The following ZBED6 variants were observed in gnomAD, a reference collection of about 807,000 sequenced individuals.
ZBED6 encodes zinc finger BED domain-containing protein 6.
ZBED6 carries 40 observed loss-of-function variants against 58.4 expected under a neutral mutation model. The observed-to-expected ratio is 0.68, with a 90% confidence interval of 0.53 to 0.89. The LOEUF is 0.89. Ranked by LOEUF, ZBED6 falls within the 40% of genes least tolerant of loss-of-function variation. The pLI, the probability that ZBED6 is intolerant of heterozygous loss-of-function variation, is 0.00. For synonymous variants in ZBED6, 439 were observed against 350.6 expected, an observed-to-expected ratio of 1.25 and a Z score of -2.82; for missense variants, 1,057 against 1,003.9, an observed-to-expected ratio of 1.05 and a Z score of -0.71.
intron 1 of ZBED6, among the ~76,000 whole-genome samples, chr1:203,809,172 G>GTTTTTTTTTT (rs33926996): frequency 2.4e-5 from 2 of 83,268 alleles, no homozygotes; most frequent in East Asian, 4.0e-4. Flanking sequence ...TCTTCTCACT[G>GTTTTTTTTTT]TTTTTTTTTT....
At chr1:203,829,734 T>C (rs755139251) in intron 5 of ZBED6, 46 bp from the exon 6 acceptor site, 2 of 1,611,394 alleles carry the variant, frequency 1.2e-6, no homozygotes, top group Non-Finnish European at 1.7e-6. Context: ...ATTAAAGCTA[T>C]AGGCGTATTT....
rs186933483 is a variant in ZBED6, at chr1:203,812,009, G to T, written c.*2555-4917G>T. Reference sequence around the variant, plus strand: ...TTTTATATTTTTTGATAGAGACGAGGTTTCACCATGTTGGCCAGGCTGGTC... The same window carrying T: ...TTTTATATTTTTTGATAGAGACGAGTTTTCACCATGTTGGCCAGGCTGGTC... On this transcript the variant is annotated intron_variant, in intron 1 of 16. Transcript: ENST00000550078. Among the ~76,000 whole-genome samples the T allele has an allele frequency of 1.8e-3, 261 of 148,536 alleles. 2 individuals are homozygous for T. The highest frequency in any genetic ancestry group is 6.1e-3 in the African/African-American group (244 of 40,330).
intron 11 of ZBED6, among the ~76,000 whole-genome samples, chr1:203,842,672 C>A (rs1050243453): frequency 5.7e-5 from 8 of 139,576 alleles, no homozygotes; most frequent in Non-Finnish European, 9.3e-5. Context: ...GAAACTTATT[C>A]TCAGGAGAAA....
At chr1:203,811,558 G>A (rs1045940110) in intron 1 of ZBED6, among the ~76,000 whole-genome samples, 1 of 152,070 alleles carries the variant, frequency 6.6e-6, no homozygotes, top group African/African-American at 2.4e-5. Flanking sequence ...GCCTAGTCTG[G>A]AGTGCAGTGG....
At chr1:203,833,937 A>T (rs1447422513) in intron 9 of ZBED6, 84 bp downstream of exon 9, 8 of 1,493,148 alleles carry the variant, frequency 5.4e-6, no homozygotes, top group Non-Finnish European at 7.2e-6. Flanking sequence ...TTTTATACAG[A>T]TCTTTGTTAT....
intron 10 of ZBED6, among the ~76,000 whole-genome samples, chr1:203,839,374 CA>C (rs1458251714): frequency 6.6e-6 from 1 of 152,070 alleles, no homozygotes; most frequent in Non-Finnish European, 1.5e-5. Flanking sequence ...TGAAGGAGAG[CA>C]AAAAGCCAAG....
intron 1 of ZBED6, 121 bp from the exon 2 acceptor site, chr1:203,816,805 C>T (rs1052695028): frequency 5.5e-6 from 2 of 360,932 alleles, no homozygotes; most frequent in African/African-American, 2.1e-5. Context: ...TTACAAGGCT[C>T]TGTATAAGCA....
At chr1:203,818,311 C>T (rs1231338728) in intron 2 of ZBED6, among the ~76,000 whole-genome samples, 1 of 149,656 alleles carries the variant, frequency 6.7e-6, no homozygotes, top group Non-Finnish European at 1.5e-5. Flanking sequence ...CCTAACACTC[C>T]TACTTGTCTT....
chr1:203,799,196 T>A lies in ZBED6; in HGVS notation c.1674T>A (p.Pro558=), dbSNP rs536107917. 8 of 1,154,086 alleles carry A rather than the reference T, an allele frequency of 6.9e-6. No individual in the cohort carries two copies. The East Asian group carries it at 2.0e-4, about 29-fold the overall frequency. The allele number at this position is 1,154,086 out of a possible 1,614,324, so 71.5% of individuals were successfully genotyped here. The change falls in exon 1 of 17, where the codon CCT becomes CCA. Residue 558 remains proline (P), a synonymous_variant. Transcript: ENST00000550078. ...GGCTTTCTCCAAATTTCCTTATCCC[T>A]AGCTTCATTGTTTCTGACAATTCCT... is the stretch of plus-strand genomic sequence containing the variant.
Position 203,842,287 on chromosome 1 carries a change from A to G in ZBED6, c.*3741+1913A>G, listed in dbSNP as rs1308141076. On this transcript the variant is annotated intron_variant, in intron 11 of 16. Coordinates refer to ENST00000550078, the Ensembl canonical transcript of ZBED6. ...GGTTGTAGCAAGCCGAGATCACGCC[A>G]CTGCACTCCAGCCTGGGCAACATTG... Among the ~76,000 whole-genome samples, 21 of 152,186 alleles carry G rather than the reference A, an allele frequency of 1.4e-4. 1 individual carries two copies. Among genetic ancestry groups the G allele is most frequent in the Admixed American group, 1.2e-3 (18 of 15,276 alleles).
At chr1:203,830,925 A>ATTTTATTT (rs1682066696) in intron 7 of ZBED6, among the ~76,000 whole-genome samples, 1 of 51,352 alleles carries the variant, frequency 1.9e-5, no homozygotes, top group Admixed American at 2.9e-4. Context: ...CCAACCCCCA[A>ATTTTATTT]TTTTTTTTTT....
At chr1:203,842,736 T>TA (rs1167367518) in intron 11 of ZBED6, among the ~76,000 whole-genome samples, 1 of 151,294 alleles carries the variant, frequency 6.6e-6, no homozygotes, top group African/African-American at 2.4e-5. Context: ...CATATACCTT[T>TA]AAAAAAATCT....
intron 1 of ZBED6, among the ~76,000 whole-genome samples, chr1:203,806,968 T>C (rs192620830): frequency 2.4e-4 from 36 of 152,080 alleles, no homozygotes; most frequent in African/African-American, 7.9e-4. Flanking sequence ...CCTTTTACTC[T>C]AGTAAATATA....
At chr1:203,801,513 A>G (rs1246369533) in exon 1 of ZBED6, 1 of 152,582 alleles carries the variant, frequency 6.6e-6, no homozygotes, top group Non-Finnish European at 1.5e-5. Context: ...GTAAAAGTCT[A>G]TTAAAAGTTT....
Position 203,833,869 on chromosome 1 carries a change from T to A in ZBED6, c.*3573+16T>A. ...TTTTCAGCAGGTAAGATAAGTTTTG[T>A]GTATATCTTTTCTTTTCTACTTGTT... On this transcript the variant is annotated intron_variant, in intron 9 of 16. Transcript: ENST00000550078. The A allele has an allele frequency of 6.2e-7, 1 of 1,601,226 alleles. No individual in the cohort carries two copies. The highest frequency in any genetic ancestry group is 8.5e-7 in the Non-Finnish European group (1 of 1,174,064).
intron 9 of ZBED6, chr1:203,835,679 A>G (rs1462928159): frequency 2.0e-5 from 5 of 245,592 alleles, no homozygotes; most frequent in East Asian, 9.1e-5. Flanking sequence ...CACTGTTTCC[A>G]TGGGCTTGAG....
chr1:203,850,966 C>T, intron 15 of ZBED6, 91 bp from the exon 16 acceptor site: 1 of 1,447,826 alleles, frequency 6.9e-7, no homozygotes, highest in Non-Finnish European at 9.6e-7. Flanking sequence ...AGAATCATAG[C>T]CACAATTCTA....
rs750328381 is a variant in ZBED6 at position 203,831,783 on chromosome 1, ATAGGTCT to A, written c.*3510+16_*3510+22del. ...CTCCACCAAACAAGGTAAGGTATAG[ATAGGTCT>A]TAGAGTTGTCAAGCCTCTACTTTTA... On this transcript the variant is annotated intron_variant, in intron 8 of 16. Coordinates refer to ENST00000550078, the Ensembl canonical transcript of ZBED6. The A allele has an allele frequency of 6.2e-7, 1 of 1,603,010 alleles. No individual in the cohort carries two copies. The highest frequency in any genetic ancestry group is 8.5e-7 in the Non-Finnish European group (1 of 1,172,378).
chr1:203,806,022 G>A lies in ZBED6; in HGVS notation c.*2554+3006G>A, dbSNP rs1399121021. 3.5e-5 allele frequency: 19 copies of A among 547,880 alleles called. No individual in the cohort carries two copies. The East Asian group carries it at 7.1e-4, about 21-fold the overall frequency. The allele number at this position is 547,880 out of a possible 1,614,324, so 33.9% of individuals were successfully genotyped here. A position where few individuals can be genotyped will look rare whatever the true frequency, so the allele number is the denominator to read the frequency against. Reference sequence around the variant, plus strand: ...CTTGTTTCATGTTGAATGACTCTTGGGTGCGATTGTCCTGCTGCTGCTCAT... The same window carrying A: ...CTTGTTTCATGTTGAATGACTCTTGAGTGCGATTGTCCTGCTGCTGCTCAT... On this transcript the variant is annotated intron_variant, in intron 1 of 16. Transcript: ENST00000550078.
Sources: allele counts gnomAD v4.1 joint callset (sites outside exome capture counted in the v4.1 genomes callset), GRCh38; gene constraint gnomAD v4.1.1; transcripts MANE v1.5; gene names NCBI Gene and HGNC (gene_info 2026-07-23, HGNC 2026-07-21).